The following SRGAP1 variants were observed in gnomAD, a reference collection of about 807,000 sequenced individuals.
The protein encoded by SRGAP1 is SLIT-ROBO Rho GTPase-activating protein 1.
In SRGAP1, 43 loss-of-function variants were observed where a neutral mutation model predicts 121.9. That is an observed-to-expected ratio of 0.35 (90% confidence interval 0.28 to 0.46). SRGAP1 has a LOEUF of 0.46. Ranked by LOEUF, SRGAP1 falls within the 20% of genes least tolerant of loss-of-function variation. The pLI, the probability that SRGAP1 is intolerant of heterozygous loss-of-function variation, is 1.00. For synonymous variants in SRGAP1, 447 were observed against 485.4 expected, an observed-to-expected ratio of 0.92 and a Z score of 1.04; for missense variants, 1,102 against 1,350.9, an observed-to-expected ratio of 0.82 and a Z score of 2.89.
At chr12:63,960,663 C>T (rs1446720165) in intron 1 of SRGAP1, among the ~76,000 whole-genome samples, 3 of 152,142 alleles carry the variant, frequency 2.0e-5, no homozygotes, top group Admixed American at 6.5e-5. Context: ...ACTTTGCAGA[C>T]GTTATTAGGT....
chr12:64,127,819 G>A (rs2036719775), intron 20 of SRGAP1, 42 bp from the exon 21 acceptor site: 1 of 1,598,584 alleles, frequency 6.3e-7, no homozygotes, highest in South Asian at 1.1e-5. Flanking sequence ...TGCCCGGTGT[G>A]ATAAGCTCTT....
chr12:63,934,460 T>G (rs921343837), intron 1 of SRGAP1, among the ~76,000 whole-genome samples: 10 of 152,232 alleles, frequency 6.6e-5, no homozygotes, highest in African/African-American at 2.2e-4. Flanking sequence ...TGGAATATCC[T>G]GGCACATCAG....
chr12:63,863,624 T>G (rs1434651428), intron 1 of SRGAP1, among the ~76,000 whole-genome samples: 3 of 152,238 alleles, frequency 2.0e-5, no homozygotes, highest in Non-Finnish European at 4.4e-5. Context: ...TGACAGTGTT[T>G]ATGGGAACTC....
chr12:64,106,789 G>C (rs1164286289), intron 15 of SRGAP1, among the ~76,000 whole-genome samples: 7 of 152,124 alleles, frequency 4.6e-5, no homozygotes, highest in African/African-American at 1.7e-4. Context: ...CAAAGTGCTT[G>C]TATGCAATAG....
chr12:64,057,033 A>G (rs1432355310), intron 6 of SRGAP1, among the ~76,000 whole-genome samples: 1 of 152,064 alleles, frequency 6.6e-6, no homozygotes, highest in Non-Finnish European at 1.5e-5. Flanking sequence ...GGTTACAGAG[A>G]TTTTAGCCTG....
chr12:64,132,816 C>A (rs1377752061), intron 21 of SRGAP1, among the ~76,000 whole-genome samples: 1 of 152,232 alleles, frequency 6.6e-6, no homozygotes, highest in Non-Finnish European at 1.5e-5. Context: ...GATTATGACA[C>A]AAAGCCAGAG....
At chr12:63,987,515 G>C (rs1254324718) in intron 2 of SRGAP1, among the ~76,000 whole-genome samples, 1 of 152,134 alleles carries the variant, frequency 6.6e-6, no homozygotes, top group Non-Finnish European at 1.5e-5. Context: ...CTGAGGTCAG[G>C]AGTTCAAGAC....
chr12:64,105,668 C>A (rs2036333841), intron 15 of SRGAP1, among the ~76,000 whole-genome samples: 1 of 152,124 alleles, frequency 6.6e-6, no homozygotes, highest in African/African-American at 2.4e-5. Context: ...CTCCTAATCC[C>A]AGCTACCTGG....
intron 1 of SRGAP1, among the ~76,000 whole-genome samples, chr12:63,931,527 G>A (rs1268134165): frequency 6.6e-6 from 1 of 152,134 alleles, no homozygotes; most frequent in Non-Finnish European, 1.5e-5. Context: ...TATGGATGAA[G>A]CACTGTGTTA....
At chr12:64,126,467 T>C (rs1001860373) in intron 19 of SRGAP1, among the ~76,000 whole-genome samples, 1 of 152,236 alleles carries the variant, frequency 6.6e-6, no homozygotes, top group Non-Finnish European at 1.5e-5. Flanking sequence ...AGTGCTCTTC[T>C]CTTGATGTCT....
chr12:64,000,239 G>GT (rs1555164000), intron 3 of SRGAP1, among the ~76,000 whole-genome samples: 1 of 131,526 alleles, frequency 7.6e-6, no homozygotes, highest in South Asian at 2.5e-4. Context: ...GAAAGGTAGG[G>GT]GTGTGTGTGT....
At chr12:63,937,230 G>A (rs1342700166) in intron 1 of SRGAP1, among the ~76,000 whole-genome samples, 1 of 152,160 alleles carries the variant, frequency 6.6e-6, no homozygotes, top group Non-Finnish European at 1.5e-5. Context: ...AAGAATTCCA[G>A]GCTAGAGTTA....
rs1396345303 is a variant in SRGAP1, at chr12:63,989,856, C to A, written c.264-54C>A. The A allele has an allele frequency of 3.4e-6, 5 of 1,474,644 alleles. No homozygotes were observed. In the Admixed American group the frequency reaches 5.8e-5, roughly 17 times the overall value. 91.3% of individuals were successfully genotyped at this position (1,474,644 alleles called of 1,614,324 possible). ...AGTTTGCCTTGGTGACTTCACTCAT[C>A]TGATTGGGGCAACTTTGAAATGGGT... On this transcript the variant is annotated intron_variant, in intron 2 of 21. Coordinates refer to ENST00000355086, the MANE Select transcript of SRGAP1 (RefSeq NM_020762.4).
At chr12:63,871,324 C>T (rs1317031811) in intron 1 of SRGAP1, among the ~76,000 whole-genome samples, 1 of 152,100 alleles carries the variant, frequency 6.6e-6, no homozygotes, top group African/African-American at 2.4e-5. Flanking sequence ...TTGTTCCCTT[C>T]CCAAATTATA....
At chr12:64,043,919 C>T (rs375347112) in intron 6 of SRGAP1, among the ~76,000 whole-genome samples, 1 of 152,100 alleles carries the variant, frequency 6.6e-6, no homozygotes, top group Non-Finnish European at 1.5e-5. Context: ...TTTATTGGGC[C>T]CCCACTACTG....
At chr12:64,066,610 T>G (rs906642304) in intron 8 of SRGAP1, among the ~76,000 whole-genome samples, 20 of 152,348 alleles carry the variant, frequency 1.3e-4, no homozygotes, top group African/African-American at 4.8e-4. Flanking sequence ...ATGATGTGTT[T>G]TTAGACCAGT....
At chr12:64,092,002 A>C in intron 12 of SRGAP1, 1 of 1,212,902 alleles carries the variant, frequency 8.2e-7, no homozygotes, top group South Asian at 1.4e-5. Context: ...GCTTGGCTTT[A>C]ATTAGATTGT....
In SRGAP1 at chr12:64,043,588, AG is replaced by A; in HGVS notation, c.801+14del. On this transcript the variant is annotated intron_variant, in intron 6 of 21. Coordinates refer to ENST00000355086, the MANE Select transcript of SRGAP1 (RefSeq NM_020762.4). Reference sequence around the variant, plus strand: ...TGATTTAATTGATGTGAGTACTTGAAGTTTTTGTCTTTTCCATATTAAAATG... The same window carrying A: ...TGATTTAATTGATGTGAGTACTTGAATTTTTGTCTTTTCCATATTAAAATG... The A allele has an allele frequency of 6.3e-7, 1 of 1,575,074 alleles. No homozygotes were observed. The highest frequency in any genetic ancestry group is 8.6e-7 in the Non-Finnish European group (1 of 1,162,920).
At chr12:64,011,191 TAA>T (rs35432896) in intron 3 of SRGAP1, among the ~76,000 whole-genome samples, 23 of 151,504 alleles carry the variant, frequency 1.5e-4, no homozygotes. Context: ...ATGGATGAGT[TAA>T]AAAAAATTGA....
Sources: gnomAD v4.1 joint callset for allele counts (sites outside exome capture counted in the v4.1 genomes callset) on GRCh38, gnomAD v4.1.1 for gene constraint, MANE v1.5 for transcripts, NCBI Gene and HGNC (gene_info 2026-07-23, HGNC 2026-07-21) for gene names.